CHSY3: variants seen among roughly 807,000 people sequenced by gnomAD.
The protein encoded by CHSY3 is chondroitin sulfate synthase 3.
A neutral mutation model predicts 67.2 loss-of-function variants in CHSY3; 35 were observed. The observed-to-expected ratio is 0.52, with a 90% confidence interval of 0.40 to 0.69. The LOEUF is 0.69. Ranked by LOEUF, CHSY3 falls within the 30% of genes least tolerant of loss-of-function variation. The pLI is 0.00. For missense variants in CHSY3, 1,069 were observed against 1,138.5 expected (o/e 0.94, Z 0.88); for synonymous variants, 474 against 434.7 (o/e 1.09, Z -1.12).
At chr5:130,133,561 C>A (rs1768550946) in intron 2 of CHSY3, among the ~76,000 whole-genome samples, 1 of 151,874 alleles carries the variant, frequency 6.6e-6, no homozygotes, top group African/African-American at 2.4e-5. Flanking sequence ...CACTTGAGAT[C>A]AGGAGTTCAA....
chr5:130,153,624 C>T (rs1170158124), intron 2 of CHSY3, among the ~76,000 whole-genome samples: 1 of 152,116 alleles, frequency 6.6e-6, no homozygotes, highest in Non-Finnish European at 1.5e-5. Context: ...GCATGCATCA[C>T]ACTGTGCTTC....
chr5:130,134,806 T>C (rs17515089), intron 2 of CHSY3, among the ~76,000 whole-genome samples: 6,820 of 152,004 alleles, frequency 0.045, 243 homozygotes, highest in Non-Finnish European at 0.067. Context: ...CCATCATCTC[T>C]GGTTTTATTT....
At chr5:130,127,414 G>T (rs970301048) in intron 2 of CHSY3, among the ~76,000 whole-genome samples, 3 of 152,116 alleles carry the variant, frequency 2.0e-5, no homozygotes, top group African/African-American at 7.2e-5. Flanking sequence ...TAAGACACTG[G>T]CCTAGTTAGT....
In CHSY3 at chr5:130,048,507, A is replaced by C. The variant is rs1248176873; in HGVS notation, c.1087-135722A>C. 2.6e-5 allele frequency among the ~76,000 whole-genome samples: 4 copies of C among 151,788 alleles called. No individual in the cohort carries two copies. In the South Asian group the frequency reaches 8.3e-4, roughly 32 times the overall value. On this transcript the variant is annotated intron_variant, in intron 2 of 2. Coordinates refer to ENST00000305031, the MANE Select transcript of CHSY3 (RefSeq NM_175856.5). ...CTGTTTTCTTTTTCTGTCTCCTTAA[A>C]TCTATGGAGTGCAGCTTGGAGTGGA... is the stretch of plus-strand genomic sequence containing the variant.
At chr5:129,926,095 C>T (rs1200134834) in intron 2 of CHSY3, among the ~76,000 whole-genome samples, 2 of 152,038 alleles carry the variant, frequency 1.3e-5, no homozygotes, top group South Asian at 4.1e-4. Context: ...TATATTCTGT[C>T]ATTGAGAGTT....
chr5:129,923,842 G>A (rs1482926540), intron 2 of CHSY3, among the ~76,000 whole-genome samples: 1 of 152,186 alleles, frequency 6.6e-6, no homozygotes, highest in Non-Finnish European at 1.5e-5. Flanking sequence ...AAACTTTTTA[G>A]TAGAAAAGTA....
chr5:129,949,616 C>G (rs1580568692), intron 2 of CHSY3, among the ~76,000 whole-genome samples: 1 of 152,180 alleles, frequency 6.6e-6, no homozygotes, highest in East Asian at 1.9e-4. Context: ...TTTTGTGAGG[C>G]CATCATTATC....
intron 2 of CHSY3, among the ~76,000 whole-genome samples, chr5:130,041,859 A>G (rs181481326): frequency 5.3e-4 from 81 of 152,258 alleles, no homozygotes; most frequent in African/African-American, 1.3e-3. Flanking sequence ...AGTGATGTCT[A>G]TGTCTTTATA....
chr5:130,126,729 T>A (rs1215610234), intron 2 of CHSY3, among the ~76,000 whole-genome samples: 1 of 152,220 alleles, frequency 6.6e-6, no homozygotes, highest in African/African-American at 2.4e-5. Context: ...TTCTGTCACA[T>A]AATTTAGTGG....
chr5:130,042,313 A>G (rs1341122403), intron 2 of CHSY3, among the ~76,000 whole-genome samples: 3 of 152,130 alleles, frequency 2.0e-5, no homozygotes, highest in East Asian at 3.9e-4. Flanking sequence ...TAAATTTATT[A>G]TAGCATAGCA....
At chr5:130,142,396 A>G (rs1339939916) in intron 2 of CHSY3, among the ~76,000 whole-genome samples, 1 of 152,196 alleles carries the variant, frequency 6.6e-6, no homozygotes, top group African/African-American at 2.4e-5. Context: ...CCAAAGTAAG[A>G]GTCGTGACCT....
At chr5:130,153,641 A>C (rs1426978523) in intron 2 of CHSY3, among the ~76,000 whole-genome samples, 1 of 151,982 alleles carries the variant, frequency 6.6e-6, no homozygotes, top group African/African-American at 2.4e-5. Context: ...CTTCCTCCTG[A>C]TGTCACCTCT....
chr5:130,163,029 A>T (rs1769604594), intron 2 of CHSY3, among the ~76,000 whole-genome samples: 1 of 152,236 alleles, frequency 6.6e-6, no homozygotes, highest in Non-Finnish European at 1.5e-5. Flanking sequence ...TGAATGATTT[A>T]ATTCACTCAT....
intron 2 of CHSY3, among the ~76,000 whole-genome samples, chr5:130,137,969 G>T (rs911587172): frequency 6.6e-6 from 1 of 151,736 alleles, no homozygotes; most frequent in African/African-American, 2.4e-5. Context: ...GAAATTTTTT[G>T]ATTTGTAAAT....
chr5:129,932,329 C>T (rs1313101668), intron 2 of CHSY3, among the ~76,000 whole-genome samples: 2 of 151,830 alleles, frequency 1.3e-5, no homozygotes, highest in Non-Finnish European at 2.9e-5. Flanking sequence ...TCTTCTTCTT[C>T]TTCAGGAACC....
At chr5:130,167,301 G>A (rs971344932) in intron 2 of CHSY3, among the ~76,000 whole-genome samples, 1 of 152,054 alleles carries the variant, frequency 6.6e-6, no homozygotes, top group Admixed American at 6.6e-5. Flanking sequence ...GTTTATCAAA[G>A]TTAGGCTTCT....
chr5:130,036,086 A>G (rs555914362), intron 2 of CHSY3, among the ~76,000 whole-genome samples: 1 of 151,986 alleles, frequency 6.6e-6, no homozygotes, highest in South Asian at 2.1e-4. Context: ...AAAATATGGG[A>G]AGATAGATTT....
chr5:130,028,988 A>G (rs1250016719), intron 2 of CHSY3, among the ~76,000 whole-genome samples: 1 of 150,450 alleles, frequency 6.6e-6, no homozygotes, highest in African/African-American at 2.5e-5. Flanking sequence ...CTGTCCTTCT[A>G]TCTTTGCTTC....
At chr5:129,964,802 A>G (rs1249996146) in intron 2 of CHSY3, among the ~76,000 whole-genome samples, 1 of 151,906 alleles carries the variant, frequency 6.6e-6, no homozygotes, top group Non-Finnish European at 1.5e-5. Context: ...CTCACTGTAC[A>G]AACTCTGGAG....
Sources: allele counts gnomAD v4.1 joint callset (sites outside exome capture counted in the v4.1 genomes callset), GRCh38; gene constraint gnomAD v4.1.1; transcripts MANE v1.5; gene names NCBI Gene and HGNC (gene_info 2026-07-23, HGNC 2026-07-21).